Variants in UBE2E1 observed in about 807,000 individuals in gnomAD.
The protein encoded by UBE2E1 is ubiquitin conjugating enzyme E2 E1, also known as ubiquitin-conjugating enzyme E2 E1.
A neutral mutation model predicts 21.4 loss-of-function variants in UBE2E1; 6 were observed. The observed-to-expected ratio is 0.28, with a 90% CI of 0.15 to 0.55. The LOEUF is 0.55. UBE2E1 is among the 20% of genes least tolerant of loss of function. The probability of loss-of-function intolerance (pLI) is 0.93; values close to 1 mark genes in which losing one functional copy is unlikely to be tolerated. For synonymous variants in UBE2E1, 87 were observed against 82.7 expected, an observed-to-expected ratio of 1.05 and a Z score of -0.28; for missense variants, 142 against 236.5, an observed-to-expected ratio of 0.60 and a Z score of 2.62.
intron 3 of UBE2E1, among the ~76,000 whole-genome samples, chr3:23,826,350 C>G (rs1699759603): frequency 6.6e-6 from 1 of 152,230 alleles, no homozygotes; most frequent in African/African-American, 2.4e-5. Context: ...ATATTTAAAG[C>G]TAACAGAAAC....
intron 3 of UBE2E1, among the ~76,000 whole-genome samples, chr3:23,859,401 A>G (rs756774426): frequency 5.9e-5 from 9 of 152,192 alleles, no homozygotes; most frequent in South Asian, 2.1e-4. Context: ...ACCTGAGCAC[A>G]TGCCCCATGA....
chr3:23,852,920 T>TC (rs80169840), intron 3 of UBE2E1, among the ~76,000 whole-genome samples: 1 of 151,028 alleles, frequency 6.6e-6, no homozygotes, highest in African/African-American at 2.4e-5. Flanking sequence ...TTGTTTTGTT[T>TC]TTTTTTTTGT....
Position 23,810,491 on chromosome 3 carries a change from AGACCCCGGGAAGTTAGAG to A in UBE2E1, c.153-965_153-948del. 1 of 1,535,776 alleles carries A rather than the reference AGACCCCGGGAAGTTAGAG, an allele frequency of 6.5e-7. No homozygotes were observed. The highest frequency in any genetic ancestry group is 8.7e-7 in the Non-Finnish European group (1 of 1,146,706). Reference sequence around the variant, plus strand: ...AGAGCGGACCATGAAGGAAGTGGGCAGACCCCGGGAAGTTAGAGGACGCCCGGGGAAAAGCAGGTCCGG... The same window carrying A: ...AGAGCGGACCATGAAGGAAGTGGGCAGACGCCCGGGGAAAAGCAGGTCCGG... On this transcript the variant is annotated intron_variant, in intron 2 of 5. Coordinates refer to ENST00000306627, the MANE Select transcript of UBE2E1 (RefSeq NM_003341.5). The surrounding 1 kb of genome is among the most constrained non-coding windows in gnomAD (Gnocchi z 5.8).
At chr3:23,866,837 C>T (rs1481202901) in intron 3 of UBE2E1, among the ~76,000 whole-genome samples, 1 of 152,186 alleles carries the variant, frequency 6.6e-6, no homozygotes, top group Non-Finnish European at 1.5e-5. Context: ...TCCTGGCTTC[C>T]ATCCAAATGT....
chr3:23,809,325 A>G (rs1282227690), intron 2 of UBE2E1, among the ~76,000 whole-genome samples: 8 of 152,204 alleles, frequency 5.3e-5, no homozygotes, highest in Non-Finnish European at 7.3e-5. Context: ...GTGGGACCCT[A>G]TAGAGGCTGT....
intron 3 of UBE2E1, among the ~76,000 whole-genome samples, chr3:23,867,293 C>CT (rs1700678565): frequency 6.6e-6 from 1 of 152,066 alleles, no homozygotes; most frequent in South Asian, 2.1e-4. Flanking sequence ...GGGTACTTTT[C>CT]TGTCTTTGAT....
At chr3:23,845,613 G>GTGTGTGTGTA (rs1413363695) in intron 3 of UBE2E1, among the ~76,000 whole-genome samples, 170 of 151,016 alleles carry the variant, frequency 1.1e-3, no homozygotes, top group African/African-American at 3.8e-3. Context: ...GTGTGTGTGT[G>GTGTGTGTGTA]TGTATGTGTG....
chr3:23,850,847 T>TTTTC (rs1700308534), intron 3 of UBE2E1, among the ~76,000 whole-genome samples: 1 of 32,362 alleles, frequency 3.1e-5, no homozygotes, highest in Admixed American at 3.5e-4. Context: ...CTTTTTTTTT[T>TTTTC]TTTTTTTTTT....
In UBE2E1 at chr3:23,890,831, A is replaced by T. The variant is rs1295968550; in HGVS notation, c.*225A>T. The T allele has an allele frequency of 2.4e-6, 1 of 410,744 alleles. No individual in the cohort carries two copies. Among genetic ancestry groups the T allele is most frequent in the Non-Finnish European group, 4.3e-6 (1 of 232,402 alleles). 25.4% of individuals were successfully genotyped at this position (410,744 alleles called of 1,614,324 possible). A position where few individuals can be genotyped will look rare whatever the true frequency, so the allele number is the denominator to read the frequency against. On this transcript the variant is annotated 3_prime_UTR_variant, in exon 6 of 6. Coordinates refer to ENST00000306627, the MANE Select transcript of UBE2E1 (RefSeq NM_003341.5). ...AAATTGTCATTAGTTCTGCAATATT[A>T]GCTGAAATGTAGTACAGAAAAGAAT... is the stretch of plus-strand genomic sequence containing the variant.
At chr3:23,840,451 G>A (rs913692706) in intron 3 of UBE2E1, among the ~76,000 whole-genome samples, 1 of 152,152 alleles carries the variant, frequency 6.6e-6, no homozygotes, top group Non-Finnish European at 1.5e-5. Context: ...AACTTAGTCT[G>A]ATCCTTTTGA....
chr3:23,819,911 T>C (rs1038043923), intron 3 of UBE2E1, among the ~76,000 whole-genome samples: 3 of 152,224 alleles, frequency 2.0e-5, no homozygotes, highest in Non-Finnish European at 4.4e-5. Context: ...GAATTGCTTG[T>C]TTTGACTTCA....
intron 3 of UBE2E1, among the ~76,000 whole-genome samples, chr3:23,865,201 T>A (rs780695504): frequency 4.6e-5 from 7 of 152,132 alleles, no homozygotes; most frequent in Non-Finnish European, 1.0e-4. Context: ...GTCACATAGT[T>A]GTTGACAGAA....
intron 3 of UBE2E1, among the ~76,000 whole-genome samples, chr3:23,857,017 A>AG (rs1559486695): frequency 3.4e-5 from 5 of 146,714 alleles, no homozygotes; most frequent in Admixed American, 1.4e-4. Flanking sequence ...AAAAAAAAAA[A>AG]AAGAGAGAGA....
In UBE2E1 at chr3:23,870,085, C is replaced by A. The variant is rs1352871313; in HGVS notation, c.204-17482C>A. 6.6e-6 allele frequency among the ~76,000 whole-genome samples: 1 copy of A among 152,116 alleles called. No homozygotes were observed. The highest frequency in any genetic ancestry group is 1.5e-5 in the Non-Finnish European group (1 of 68,026). On this transcript the variant is annotated intron_variant, in intron 3 of 5. Coordinates refer to ENST00000306627, the MANE Select transcript of UBE2E1 (RefSeq NM_003341.5). This position sits in a 1 kb window ranked among gnomAD's most constrained non-coding sequence, Gnocchi z 4.2. ...TCACTTTTACATGTCTGGTTTTCCA[C>A]CTGGGCTGGGAAGGCCCACAGCTGA...
At position 23,889,157 on chromosome 3, in the gene UBE2E1, G is replaced by A. The variant is rs1701279317; in HGVS notation, c.382G>A (p.Gly128Ser). ...RIYHCNINSQ[G>S]VICLDILKDN... ...CTATCATTGTAATATTAACAGTCAAGGTGTTATTTGCTTGGACATATTGAA... is the reference window on the plus strand; with the variant it reads ...CTATCATTGTAATATTAACAGTCAAAGTGTTATTTGCTTGGACATATTGAA... The change falls in exon 5 of 6, where the codon GGT becomes AGT. Residue 128 changes from glycine (G) to serine (S), a missense_variant. Gly to Ser is a moderately conservative substitution (Grantham distance 56). Coordinates refer to ENST00000306627, the MANE Select transcript of UBE2E1 (RefSeq NM_003341.5). The A allele has an allele frequency of 6.2e-7, 1 of 1,610,788 alleles. No homozygotes were observed. Among genetic ancestry groups the A allele is most frequent in the Non-Finnish European group, 8.5e-7 (1 of 1,179,424 alleles).
intron 3 of UBE2E1, among the ~76,000 whole-genome samples, chr3:23,824,504 T>C (rs966373046): frequency 6.6e-6 from 1 of 152,242 alleles, no homozygotes; most frequent in Non-Finnish European, 1.5e-5. Flanking sequence ...CCAATTTTCA[T>C]TGCTTTCCAA....
In UBE2E1 at chr3:23,876,338, C is replaced by T. The variant is rs1366536666; in HGVS notation, c.204-11229C>T. 1.3e-5 allele frequency among the ~76,000 whole-genome samples: 2 copies of T among 152,170 alleles called. No individual in the cohort carries two copies. The highest frequency in any genetic ancestry group is 1.3e-4 in the Admixed American group (2 of 15,284). On this transcript the variant is annotated intron_variant, in intron 3 of 5. Coordinates refer to ENST00000306627, the MANE Select transcript of UBE2E1 (RefSeq NM_003341.5). This position sits in a 1 kb window ranked among gnomAD's most constrained non-coding sequence, Gnocchi z 4.3. ...GTTAGTTTCTTTAGTAAAGTTTTCT[C>T]ATTTTTCAAGTTCCTTCTGCCACTC...
chr3:23,890,041 A>AC (rs1701337786), intron 5 of UBE2E1, among the ~76,000 whole-genome samples: 1 of 152,202 alleles, frequency 6.6e-6, no homozygotes, highest in South Asian at 2.1e-4. Context: ...TTGCCTGGCA[A>AC]CCTGGCTCTT....
At chr3:23,890,391 G>A (rs113548353) in intron 5 of UBE2E1, 118 bp from the exon 6 acceptor site, 16 of 845,234 alleles carry the variant, frequency 1.9e-5, no homozygotes, top group South Asian at 4.3e-5. Flanking sequence ...GTGGTGTTTC[G>A]AAGATGGGTT....
Sources: allele counts gnomAD v4.1 joint callset (sites outside exome capture counted in the v4.1 genomes callset), GRCh38; gene constraint gnomAD v4.1.1; non-coding constraint Gnocchi (gnomAD v3.1); transcripts MANE v1.5; gene names NCBI Gene and HGNC (gene_info 2026-07-23, HGNC 2026-07-21).